The following SLC9B2 variants were observed in gnomAD, a reference collection of about 807,000 sequenced individuals.
SLC9B2 encodes sodium/hydrogen exchanger 9B2.
In SLC9B2, 39 loss-of-function variants were observed where a neutral mutation model predicts 52.2. The observed-to-expected ratio is 0.75, with a 90% CI of 0.58 to 0.98. SLC9B2 has a LOEUF of 0.98. Ranked by LOEUF, SLC9B2 falls within the 50% of genes least tolerant of loss-of-function variation. The probability of loss-of-function intolerance (pLI) is 0.00; values close to 1 mark genes in which losing one functional copy is unlikely to be tolerated. For missense variants in SLC9B2, 626 were observed against 637.5 expected, an observed-to-expected ratio of 0.98 and a Z score of 0.19; for synonymous variants, 214 against 227.0, an observed-to-expected ratio of 0.94 and a Z score of 0.51.
intron 9 of SLC9B2, among the ~76,000 whole-genome samples, chr4:103,039,666 G>A (rs1322255878): frequency 2.0e-5 from 1 of 51,004 alleles, no homozygotes; most frequent in African/African-American, 9.0e-5. Flanking sequence ...TTTTTTTTTT[G>A]AGATGGAGTC....
chr4:103,075,706 A>C (rs1259381264), intron 1 of SLC9B2, among the ~76,000 whole-genome samples: 4 of 152,118 alleles, frequency 2.6e-5, no homozygotes, highest in Admixed American at 2.6e-4. Context: ...TTGCCTGGAA[A>C]CTAAGGACTC....
intron 1 of SLC9B2, among the ~76,000 whole-genome samples, chr4:103,075,557 G>C (rs1204893191): frequency 6.6e-6 from 1 of 152,160 alleles, no homozygotes; most frequent in Admixed American, 6.5e-5. Context: ...TACATTTCCA[G>C]TCTCCCTTGC....
At chr4:103,060,720 G>C (rs1399896708) in intron 3 of SLC9B2, among the ~76,000 whole-genome samples, 2 of 151,586 alleles carry the variant, frequency 1.3e-5, no homozygotes, top group Admixed American at 1.3e-4. Context: ...TGAAGCCTTA[G>C]GTTGAATGAG....
chr4:103,032,833 G>A (rs1742820108), intron 9 of SLC9B2, among the ~76,000 whole-genome samples: 1 of 152,154 alleles, frequency 6.6e-6, no homozygotes, highest in African/African-American at 2.4e-5. Context: ...AATTCTGCAA[G>A]CACAGCACCA....
At position 103,066,453 on chromosome 4, in the gene SLC9B2, T is replaced by C. The variant is rs948770149; in HGVS notation, c.145A>G (p.Ser49Gly). ...GIDANEPTEG[S>G]ILLKSSEKKL... Reference sequence around the variant, plus strand: ...TTTTCACTGCTTTTCAAAAGAATACTTCCTTCTGTTGGTTCATTTGCATCT... The same window carrying C: ...TTTTCACTGCTTTTCAAAAGAATACCTCCTTCTGTTGGTTCATTTGCATCT... Residue 49 changes from serine to glycine, a missense_variant, in exon 3 of 12, where the codon AGT (serine) becomes GGT (glycine). By Grantham distance (56) the Ser-to-Gly change is moderately conservative (BLOSUM62 0). Transcript: ENST00000394785. 14 of 1,614,018 alleles carry C rather than the reference T, an allele frequency of 8.7e-6. No individual in the cohort carries two copies. Among genetic ancestry groups the C allele is most frequent in the African/African-American group, 1.3e-5 (1 of 74,934 alleles).
chr4:103,028,808 C>G lies in SLC9B2; in HGVS notation c.1331G>C (p.Gly444Ala), dbSNP rs773962645. 1 of 1,609,980 alleles carries G rather than the reference C, an allele frequency of 6.2e-7. No individual in the cohort carries two copies. The highest frequency in any genetic ancestry group is 1.3e-5 in the African/African-American group (1 of 74,712). ...LTTFLMVCFAGFNLKEKIFIS... is the reference protein window; with the variant it reads ...LTTFLMVCFAAFNLKEKIFIS... ...AAATATCTTTTCTTTTAAGTTAAAA[C>G]CAGCAAAACACACCATCAGAAATGT... The change falls in exon 11 of 12, where the codon GGT (glycine) becomes GCT (alanine). Residue 444 changes from glycine (G) to alanine (A), a missense_variant. Transcript: ENST00000394785.
intron 9 of SLC9B2, among the ~76,000 whole-genome samples, chr4:103,037,863 C>CTT (rs58606567): frequency 9.9e-5 from 14 of 141,724 alleles, no homozygotes; most frequent in South Asian, 4.5e-4. Flanking sequence ...AAAGGTAAGA[C>CTT]TTTTTTTTTT....
At chr4:103,043,976 C>T (rs1743873234) in intron 8 of SLC9B2, among the ~76,000 whole-genome samples, 1 of 152,158 alleles carries the variant, frequency 6.6e-6, no homozygotes, top group Non-Finnish European at 1.5e-5. Context: ...AGGTTCTAGA[C>T]TGACAGTAGT....
intron 4 of SLC9B2, among the ~76,000 whole-genome samples, chr4:103,057,273 T>TATATATATATATACAC (rs1220375909): frequency 7.0e-6 from 1 of 143,224 alleles, no homozygotes; most frequent in South Asian, 2.2e-4. Context: ...TATATATATA[T>TATATATATATATACAC]ACACACACAC....
In SLC9B2 at chr4:103,024,414, G is replaced by C. The variant is rs1742034839; in HGVS notation, c.*1956C>G. On this transcript the variant is annotated 3_prime_UTR_variant, in exon 12 of 12. Coordinates refer to ENST00000394785, the MANE Select transcript of SLC9B2 (RefSeq NM_178833.7). The stretch of plus-strand genomic sequence containing the variant: ...CCAAATCAAGAGCATAAACATTAAA[G>C]GAATACAGCACCATAGGGTAACCAA... 6.6e-6 allele frequency among the ~76,000 whole-genome samples: 1 copy of C among 152,134 alleles called. No homozygotes were observed. Among genetic ancestry groups the C allele is most frequent in the Non-Finnish European group, 1.5e-5 (1 of 68,016 alleles).
intron 3 of SLC9B2, 27 bp downstream of exon 3, chr4:103,066,299 TG>T: frequency 6.3e-7 from 1 of 1,589,822 alleles, no homozygotes; most frequent in Admixed American, 1.8e-5. Flanking sequence ...CTTCATCTTT[TG>T]CCATCTCTTT....
chr4:103,051,237 T>C (rs2110623083), intron 4 of SLC9B2, among the ~76,000 whole-genome samples: 1 of 152,308 alleles, frequency 6.6e-6, no homozygotes, highest in African/African-American at 2.4e-5. Flanking sequence ...GAGTAGTTAG[T>C]GAGGGAATTC....
At position 103,048,874 on chromosome 4, in the gene SLC9B2, ACAAAGAAACAAT is replaced by A. The variant is rs1469513565; in HGVS notation, c.713+7_713+18del. On this transcript the variant is annotated splice_region_variant and intron_variant, in intron 6 of 11. Coordinates refer to ENST00000394785, the MANE Select transcript of SLC9B2 (RefSeq NM_178833.7). ...AAATGTCCCTACATATTTTCATATGACAAAGAAACAATCATTACCCCAGTATAAATCCCCATT... is the reference window on the plus strand; with the variant it reads ...AAATGTCCCTACATATTTTCATATGACATTACCCCAGTATAAATCCCCATT... 6.2e-7 allele frequency: 1 copy of A among 1,611,528 alleles called. No homozygotes were observed. Among genetic ancestry groups the A allele is most frequent in the East Asian group, 2.2e-5 (1 of 44,850 alleles).
chr4:103,051,338 C>T (rs1744671198), intron 4 of SLC9B2, among the ~76,000 whole-genome samples: 1 of 152,190 alleles, frequency 6.6e-6, no homozygotes, highest in African/African-American at 2.4e-5. Flanking sequence ...GCAGTGCCCT[C>T]TTCTCACCTT....
At chr4:103,067,376 G>T in intron 2 of SLC9B2, 85 bp downstream of exon 2, 2 of 1,257,086 alleles carry the variant, frequency 1.6e-6, no homozygotes, top group Admixed American at 1.7e-5. Flanking sequence ...ACCTGCCTTG[G>T]ATTGTGTAAG....
chr4:103,038,344 T>G (rs1440401086), intron 9 of SLC9B2, among the ~76,000 whole-genome samples: 1 of 152,240 alleles, frequency 6.6e-6, no homozygotes, highest in Non-Finnish European at 1.5e-5. Context: ...TATTTTTTAT[T>G]TCTAAACTGT....
chr4:103,076,456 C>T lies in SLC9B2; in HGVS notation c.-315G>A, dbSNP rs1560565970. The T allele has an allele frequency of 6.6e-6, 1 of 152,272 alleles. No individual in the cohort carries two copies. Among genetic ancestry groups the T allele is most frequent in the Non-Finnish European group, 1.5e-5 (1 of 68,070 alleles). 9.4% of individuals were successfully genotyped at this position (152,272 alleles called of 1,614,324 possible). ...GCGCCGGTACAGGCTCCGGAGTAAGCATGGGTTGGTCCGGGGCCCGCAGCG... is the reference window on the plus strand; with the variant it reads ...GCGCCGGTACAGGCTCCGGAGTAAGTATGGGTTGGTCCGGGGCCCGCAGCG... On this transcript the variant is annotated 5_prime_UTR_variant, in exon 1 of 12. The change abolishes an upstream ATG in the 5' untranslated region. Transcript: ENST00000394785.
At position 103,066,443 on chromosome 4, in the gene SLC9B2, A is replaced by C. The variant is rs377045990; in HGVS notation, c.155T>G (p.Leu52Trp). ...TTGTAGCTTTTTTTCACTGCTTTTC[A>C]AAAGAATACTTCCTTCTGTTGGTTC... ...ANEPTEGSIL[L>W]KSSEKKLQET... The change falls in exon 3 of 12, where the codon TTG (leucine) becomes TGG (tryptophan). Residue 52 changes from leucine (L) to tryptophan (W), a missense_variant. By Grantham distance (61) the Leu-to-Trp change is moderately conservative. Coordinates refer to ENST00000394785, the MANE Select transcript of SLC9B2 (RefSeq NM_178833.7). The C allele has an allele frequency of 3.1e-6, 5 of 1,614,032 alleles. No homozygotes were observed. The highest frequency in any genetic ancestry group is 4.2e-6 in the Non-Finnish European group (5 of 1,179,944).
intron 3 of SLC9B2, among the ~76,000 whole-genome samples, chr4:103,063,381 C>T (rs547957274): frequency 6.6e-6 from 1 of 152,166 alleles, no homozygotes; most frequent in Non-Finnish European, 1.5e-5. Context: ...GTATATTATG[C>T]TTATCTTTCA....
Sources: gnomAD v4.1 joint callset for allele counts (sites outside exome capture counted in the v4.1 genomes callset) on GRCh38, gnomAD v4.1.1 for gene constraint, MANE v1.5 for transcripts, NCBI Gene and HGNC (gene_info 2026-07-23, HGNC 2026-07-21) for gene names.